Variants in TWIST2 observed in about 807,000 individuals in gnomAD.
TWIST2 encodes the protein twist family bHLH transcription factor 2.
Under a neutral mutation model 11.6 loss-of-function variants are expected in TWIST2, and 1 was observed. The observed-to-expected ratio is 0.09, with a 90% CI of 0.03 to 0.41. The LOEUF (loss-of-function observed/expected upper bound fraction) is 0.41. TWIST2 is among the 10% of genes least tolerant of loss of function. TWIST2 has a pLI of 0.98. For synonymous variants in TWIST2, 87 were observed against 96.6 expected, an observed-to-expected ratio of 0.90 and a Z score of 0.58; for missense variants, 168 against 226.4, an observed-to-expected ratio of 0.74 and a Z score of 1.66.
At chr2:238,852,667 A>ATG (rs1692262392) in intron 1 of TWIST2, among the ~76,000 whole-genome samples, 4 of 65,022 alleles carry the variant, frequency 6.2e-5, no homozygotes, top group African/African-American at 3.2e-4. Flanking sequence ...ACACACACAC[A>ATG]CGCACATGCA....
At chr2:238,853,647 A>G (rs1692283464) in intron 1 of TWIST2, among the ~76,000 whole-genome samples, 1 of 152,210 alleles carries the variant, frequency 6.6e-6, no homozygotes, top group African/African-American at 2.4e-5. Context: ...TAACAAGGTG[A>G]ATTTTAAGCT....
At chr2:238,902,559 G>A (rs1475120076) in intron 1 of TWIST2, among the ~76,000 whole-genome samples, 1 of 150,012 alleles carries the variant, frequency 6.7e-6, no homozygotes, top group Non-Finnish European at 1.5e-5. Context: ...TGTGTGCGAT[G>A]TGGGGTTGTG....
chr2:238,903,435 GA>G (rs1693303488), intron 1 of TWIST2, among the ~76,000 whole-genome samples: 1 of 145,724 alleles, frequency 6.9e-6, no homozygotes, highest in South Asian at 2.3e-4. Context: ...GGATGTGTGT[GA>G]TGTGGGGTGT....
At chr2:238,897,784 C>T (rs893054849) in intron 1 of TWIST2, among the ~76,000 whole-genome samples, 12 of 152,224 alleles carry the variant, frequency 7.9e-5, no homozygotes, top group East Asian at 1.9e-4. Flanking sequence ...CATCCCAGCC[C>T]GGGCTGGCAG....
At chr2:238,892,030 G>A (rs1453230130) in intron 1 of TWIST2, among the ~76,000 whole-genome samples, 2 of 152,162 alleles carry the variant, frequency 1.3e-5, no homozygotes, top group Admixed American at 6.5e-5. Context: ...TGTGCTTGCC[G>A]CTGAGCCATG....
intron 1 of TWIST2, among the ~76,000 whole-genome samples, chr2:238,874,516 A>G (rs1692769026): frequency 6.6e-6 from 1 of 152,114 alleles, no homozygotes; most frequent in South Asian, 2.1e-4. Context: ...AGCTTTCGAA[A>G]TGATGTGTAT....
chr2:238,889,969 CCTGGCCTGTGCGG>C (rs1396591789), intron 1 of TWIST2, among the ~76,000 whole-genome samples: 1 of 22,592 alleles, frequency 4.4e-5, no homozygotes, highest in Non-Finnish European at 2.1e-4. Flanking sequence ...GGCTGCCCAG[CCTGGCCTGTGCGG>C]AGGCTGCCCA....
At chr2:238,881,204 ACTG>A (rs1351823626) in intron 1 of TWIST2, among the ~76,000 whole-genome samples, 1 of 125,532 alleles carries the variant, frequency 8.0e-6, no homozygotes. Context: ...TATTAGTGTT[ACTG>A]TTAGTCTTAG....
chr2:238,907,409 C>T (rs1383332939), intron 1 of TWIST2, among the ~76,000 whole-genome samples: 4 of 152,190 alleles, frequency 2.6e-5, no homozygotes, highest in African/African-American at 9.7e-5. Flanking sequence ...CTGGACTTTC[C>T]TCCTGCCTGT....
intron 1 of TWIST2, among the ~76,000 whole-genome samples, chr2:238,908,861 AG>A (rs1229106058): frequency 6.7e-6 from 1 of 148,830 alleles, no homozygotes; most frequent in Non-Finnish European, 1.5e-5. Flanking sequence ...TGTGTGTGGG[AG>A]GGTGTGGTGT....
chr2:238,909,464 G>A (rs973950155), intron 1 of TWIST2, among the ~76,000 whole-genome samples: 2 of 152,148 alleles, frequency 1.3e-5, no homozygotes, highest in African/African-American at 4.8e-5. Flanking sequence ...AACGTGCCGA[G>A]CCTCTCTTGT....
At chr2:238,907,899 C>CT (rs1358876930) in intron 1 of TWIST2, among the ~76,000 whole-genome samples, 4 of 147,082 alleles carry the variant, frequency 2.7e-5, no homozygotes, top group African/African-American at 7.5e-5. Context: ...ACACTACACC[C>CT]CCACTTACAA....
chr2:238,865,910 C>T (rs1383567483), intron 1 of TWIST2, among the ~76,000 whole-genome samples: 1 of 152,184 alleles, frequency 6.6e-6, no homozygotes, highest in Non-Finnish European at 1.5e-5. Context: ...CTCCACCGTA[C>T]AGTGCCCCGC....
At position 238,864,820 on chromosome 2, in the gene TWIST2, G is replaced by T. The variant is rs1251890156; in HGVS notation, c.*35+16087G>T. The stretch of plus-strand genomic sequence containing the variant: ...TCCCCTTCTCTGAGCATCTGTGAGG[G>T]GTTTTCCTCTCCTTAGGGACCCCTG... On this transcript the variant is annotated intron_variant, in intron 1 of 1. Transcript: ENST00000612363. This position sits in a 1 kb window ranked among gnomAD's most constrained non-coding sequence, Gnocchi z 4.7. Among the ~76,000 whole-genome samples, 1 of 152,034 alleles carries T rather than the reference G, an allele frequency of 6.6e-6. No homozygotes were observed. The highest frequency in any genetic ancestry group is 2.4e-5 in the African/African-American group (1 of 41,416).
intron 1 of TWIST2, among the ~76,000 whole-genome samples, chr2:238,870,137 ACACCC>A (rs1165493386): frequency 1.4e-5 from 2 of 144,060 alleles, no homozygotes. Flanking sequence ...CACACACACC[ACACCC>A]CATACACACC....
At position 238,848,430 on chromosome 2, in the gene TWIST2, A is replaced by G. The variant is rs1217906727; in HGVS notation, c.215A>G (p.Asn72Ser). 6.5e-7 allele frequency: 1 copy of G among 1,544,108 alleles called. No homozygotes were observed. Among genetic ancestry groups the G allele is most frequent in the Non-Finnish European group, 8.7e-7 (1 of 1,149,146 alleles). The change falls in exon 1 of 2, where the codon AAC (asparagine) becomes AGC (serine). Residue 72 changes from asparagine to serine, a missense_variant. Coordinates refer to ENST00000612363, the MANE Select transcript of TWIST2 (RefSeq NM_001271893.4). ...EELQSQRILA[N>S]VRERQRTQSL... ...CTGCAGAGCCAGCGCATCCTGGCCA[A>G]CGTGCGCGAGCGCCAGCGCACCCAG... is the stretch of plus-strand genomic sequence containing the variant.
intron 1 of TWIST2, among the ~76,000 whole-genome samples, chr2:238,882,990 G>A (rs1304297447): frequency 6.6e-6 from 1 of 152,134 alleles, no homozygotes; most frequent in Non-Finnish European, 1.5e-5. Context: ...TTTGAGGGCA[G>A]CTCTTGACAT....
chr2:238,868,518 C>T (rs1159949403), intron 1 of TWIST2, among the ~76,000 whole-genome samples: 2 of 152,210 alleles, frequency 1.3e-5, no homozygotes, highest in Non-Finnish European at 2.9e-5. Context: ...TCCCAGTCTC[C>T]TCCCATTCCA....
At chr2:238,871,354 C>A (rs1479257574) in intron 1 of TWIST2, among the ~76,000 whole-genome samples, 1 of 65,334 alleles carries the variant, frequency 1.5e-5, no homozygotes, top group African/African-American at 6.3e-5. Context: ...ACACCCCACA[C>A]ACACAGTACA....
Sources: gnomAD v4.1 joint callset for allele counts (sites outside exome capture counted in the v4.1 genomes callset) on GRCh38, gnomAD v4.1.1 for gene constraint, Gnocchi (gnomAD v3.1) non-coding constraint, MANE v1.5 for transcripts, NCBI Gene and HGNC (gene_info 2026-07-23, HGNC 2026-07-21) for gene names.